Variants in ATXN2L observed in about 807,000 individuals in gnomAD.
ATXN2L encodes the protein ataxin 2 like.
In ATXN2L, 24 loss-of-function variants were observed where a neutral mutation model predicts 120.7. That is an observed-to-expected ratio of 0.20 (90% CI 0.14 to 0.28). ATXN2L has a LOEUF of 0.28. Among genes scored for constraint, ATXN2L ranks in the 10% least tolerant of loss-of-function variants. The pLI, the probability that ATXN2L is intolerant of heterozygous loss-of-function variation, is 1.00. For missense variants in ATXN2L, 1,312 were observed against 1,432.3 expected, an observed-to-expected ratio of 0.92 and a Z score of 1.36; for synonymous variants, 653 against 568.1, an observed-to-expected ratio of 1.15 and a Z score of -2.13.
chr16:28,824,748 A>G (rs2051168593), intron 1 of ATXN2L: 2 of 310,428 alleles, frequency 6.4e-6, no homozygotes, highest in Non-Finnish European at 1.1e-5. Flanking sequence ...TTAATACTGT[A>G]GCATTGATCT....
At chr16:28,824,586 T>C (rs757977152) in intron 1 of ATXN2L, 2 of 1,264,582 alleles carry the variant, frequency 1.6e-6, no homozygotes, top group South Asian at 2.6e-5. Context: ...GGGGATGGGG[T>C]GTGGAGGGGA....
chr16:28,835,711 C>T lies in ATXN2L; in HGVS notation c.2848C>T (p.His950Tyr). The T allele has an allele frequency of 6.2e-7, 1 of 1,614,140 alleles. No homozygotes were observed. Among genetic ancestry groups the T allele is most frequent in the Non-Finnish European group, 8.5e-7 (1 of 1,179,996 alleles). ...GCCAGCCGCTGTGTATGCCATCCACCACCAGCAGCTGCCCCACGGCTTCAC... is the reference window on the plus strand; with the variant it reads ...GCCAGCCGCTGTGTATGCCATCCACTACCAGCAGCTGCCCCACGGCTTCAC... ...PQPAAVYAIH[H>Y]QQLPHGFTNM... Residue 950 changes from histidine (H) to tyrosine (Y), a missense_variant, in exon 21 of 22, where the codon CAC becomes TAC. Transcript: ENST00000336783.
Position 28,823,387 on chromosome 16 carries a change from C to G in ATXN2L, c.128C>G (p.Ala43Gly). The G allele has an allele frequency of 7.5e-7, 1 of 1,338,206 alleles. No individual in the cohort carries two copies. The highest frequency in any genetic ancestry group is 9.5e-7 in the Non-Finnish European group (1 of 1,048,512). The allele number at this position is 1,338,206 out of a possible 1,614,324, so 82.9% of individuals were successfully genotyped here. The change falls in exon 1 of 22, where the codon GCC becomes GGC. Residue 43 changes from alanine (A) to glycine (G), a missense_variant. By Grantham distance (60) the Ala-to-Gly change is moderately conservative (BLOSUM62 0). Coordinates refer to ENST00000336783, the MANE Select transcript of ATXN2L (RefSeq NM_007245.4). The stretch of plus-strand genomic sequence containing the variant: ...AACGGCGGCCTCCCGGGGCCGCTGG[C>G]CACCTCTGCGGCTCCTCCCGGGCCT... Reference protein sequence around the residue: ...PPNGGLPGPLATSAAPPGPPA... With the variant: ...PPNGGLPGPLGTSAAPPGPPA...
intron 7 of ATXN2L, 78 bp from the exon 8 acceptor site, chr16:28,829,780 C>A: frequency 1.4e-6 from 2 of 1,468,304 alleles, no homozygotes; most frequent in Non-Finnish European, 1.9e-6. Context: ...GGTGATTGGA[C>A]TTGTTGAAAT....
In ATXN2L at chr16:28,826,049, CT is replaced by C; in HGVS notation, c.466-187del. ...TATTTAAGTTTAAATTTTTGTGAGA[CT>C]TTTGCTAAGTCCTGTGGCTGATGTT... On this transcript the variant is annotated intron_variant, in intron 4 of 21. Coordinates refer to ENST00000336783, the MANE Select transcript of ATXN2L (RefSeq NM_007245.4). 7.2e-6 allele frequency: 6 copies of C among 837,094 alleles called. No individual in the cohort carries two copies. The South Asian group carries it at 1.1e-4, about 15-fold the overall frequency. The allele number at this position is 837,094 out of a possible 1,614,324, so 51.9% of individuals were successfully genotyped here.
In ATXN2L at chr16:28,825,352, G is replaced by T; in HGVS notation, c.300-14G>T. On this transcript the variant is annotated splice_polypyrimidine_tract_variant and intron_variant, in intron 1 of 21. Coordinates refer to ENST00000336783, the MANE Select transcript of ATXN2L (RefSeq NM_007245.4). ...CTTGAACAGACTTAAGTAATTTCTT[G>T]TTTTCTTTTATAGGGGACAGAGCAC... 2 of 1,613,710 alleles carry T rather than the reference G, an allele frequency of 1.2e-6. No homozygotes were observed. Among genetic ancestry groups the T allele is most frequent in the Non-Finnish European group, 1.7e-6 (2 of 1,179,702 alleles).
In ATXN2L at chr16:28,823,121, C is replaced by G. The variant is rs1435197861; in HGVS notation, c.-139C>G. On this transcript the variant is annotated 5_prime_UTR_variant, in exon 1 of 22. Transcript: ENST00000336783. The stretch of plus-strand genomic sequence containing the variant: ...CGGTCTTCTCTCTCCACCCCCGACA[C>G]CGCGGGGCTCCCCCCGCCCGCCCAC... 2.3e-6 allele frequency: 1 copy of G among 430,694 alleles called. No individual in the cohort carries two copies. The allele number at this position is 430,694 out of a possible 1,614,324, so 26.7% of individuals were successfully genotyped here. A position where few individuals can be genotyped will look rare whatever the true frequency, so the allele number is the denominator to read the frequency against.
In ATXN2L at chr16:28,828,527, C is replaced by T. The variant is rs8048148; in HGVS notation, c.742-874C>T. Among the ~76,000 whole-genome samples, 1,562 of 150,410 alleles carry T rather than the reference C, an allele frequency of 0.01. 59 individuals are homozygous for T. In the East Asian group the frequency reaches 0.16, roughly 15 times the overall value. ...CTTGAACCCAAGGAGACGGAGGTTGCGGTGAGCCAAGATCGCACCATTGCA... is the reference window on the plus strand; with the variant it reads ...CTTGAACCCAAGGAGACGGAGGTTGTGGTGAGCCAAGATCGCACCATTGCA... On this transcript the variant is annotated intron_variant, in intron 6 of 21. Transcript: ENST00000336783.
In ATXN2L at chr16:28,836,143, C is replaced by G; in HGVS notation, c.3106C>G (p.Pro1036Ala). The G allele has an allele frequency of 6.2e-7, 1 of 1,614,138 alleles. No homozygotes were observed. The highest frequency in any genetic ancestry group is 8.5e-7 in the Non-Finnish European group (1 of 1,179,990). ...HPQGEQPGQA[P>A]GFPGGADDRI... is the part of the protein sequence containing the mutation. ...CCAAGGTGAGCAGCCTGGCCAGGCG[C>G]CTGGATTTCCAGGAGGAGCCGATGA... Residue 1036 changes from proline to alanine, a missense_variant, in exon 22 of 22, where the codon CCT becomes GCT. Coordinates refer to ENST00000336783, the MANE Select transcript of ATXN2L (RefSeq NM_007245.4).
At chr16:28,831,698 G>A (rs950650049) in intron 10 of ATXN2L, among the ~76,000 whole-genome samples, 1 of 152,090 alleles carries the variant, frequency 6.6e-6, no homozygotes, top group Non-Finnish European at 1.5e-5. Flanking sequence ...ACCAGCCTGG[G>A]CAACACGGCA....
Position 28,830,876 on chromosome 16 carries a change from T to G in ATXN2L, c.1210+86T>G, listed in dbSNP as rs2054115608. The stretch of plus-strand genomic sequence containing the variant: ...GGTAATTGGAGGGGTTTGGGTGTGT[T>G]GGAATGACGCTGCATCGGTGGGAAT... On this transcript the variant is annotated intron_variant, in intron 9 of 21. Transcript: ENST00000336783. The G allele has an allele frequency of 4.6e-6, 7 of 1,512,426 alleles. No individual in the cohort carries two copies. The South Asian group carries it at 6.2e-5, about 13-fold the overall frequency. The allele number at this position is 1,512,426 out of a possible 1,614,324, so 93.7% of individuals were successfully genotyped here. A position where few individuals can be genotyped will look rare whatever the true frequency, so the allele number is the denominator to read the frequency against.
chr16:28,832,487 C>T lies in ATXN2L; in HGVS notation c.1517-9C>T, dbSNP rs1166041642. 6.2e-7 allele frequency: 1 copy of T among 1,614,002 alleles called. No individual in the cohort carries two copies. The highest frequency in any genetic ancestry group is 1.7e-5 in the Admixed American group (1 of 60,018). On this transcript the variant is annotated splice_polypyrimidine_tract_variant and intron_variant, in intron 11 of 21. Transcript: ENST00000336783. ...AAGGACCTTTAGGCATTTCTCTTTA[C>T]TTGAACAGTAAAAGAACTCTCTACC...
intron 10 of ATXN2L, among the ~76,000 whole-genome samples, chr16:28,831,482 C>T (rs2054398791): frequency 6.6e-6 from 1 of 152,138 alleles, no homozygotes; most frequent in South Asian, 2.1e-4. Context: ...CACCCACCAC[C>T]ACGGCTGGCT....
chr16:28,826,292 G>A lies in ATXN2L; in HGVS notation c.518G>A (p.Gly173Asp). ...VHRKASEPAGGPRREDIVDTM... is the reference protein window; with the variant it reads ...VHRKASEPAGDPRREDIVDTM... ...CGGAAAGCATCTGAGCCAGCAGGTG[G>A]CCCTCGTCGGGAGGACATTGTGGAC... The change falls in exon 5 of 22, where the codon GGC (glycine) becomes GAC (aspartate). Residue 173 changes from glycine (G) to aspartate (D), a missense_variant. Gly to Asp is a moderately conservative substitution (Grantham distance 94). Coordinates refer to ENST00000336783, the MANE Select transcript of ATXN2L (RefSeq NM_007245.4). 6.2e-7 allele frequency: 1 copy of A among 1,614,220 alleles called. No individual in the cohort carries two copies. Among genetic ancestry groups the A allele is most frequent in the Non-Finnish European group, 8.5e-7 (1 of 1,180,040 alleles).
At chr16:28,828,438 T>C (rs977531905) in intron 6 of ATXN2L, among the ~76,000 whole-genome samples, 2 of 151,914 alleles carry the variant, frequency 1.3e-5, no homozygotes, top group East Asian at 3.9e-4. Flanking sequence ...AATACAAAAT[T>C]AGCTGGGCGT....
At chr16:28,823,829 C>T (rs2050527640) in intron 1 of ATXN2L, 1 of 364,370 alleles carries the variant, frequency 2.7e-6, no homozygotes, top group Non-Finnish European at 4.8e-6. Flanking sequence ...CGCATCCCGC[C>T]GGCGCCGTCG....
Position 28,823,208 on chromosome 16 carries a change from G to T in ATXN2L, c.-52G>T. The stretch of plus-strand genomic sequence containing the variant: ...CGCTCTCCAGCGGGGCCCCAGCCCC[G>T]GCCCCCTCTCTCCCTCCCTTCTCTC... On this transcript the variant is annotated 5_prime_UTR_variant, in exon 1 of 22. Coordinates refer to ENST00000336783, the MANE Select transcript of ATXN2L (RefSeq NM_007245.4). 11 of 1,041,406 alleles carry T rather than the reference G, an allele frequency of 1.1e-5. No individual in the cohort carries two copies. The highest frequency in any genetic ancestry group is 1.8e-5 in the African/African-American group (1 of 56,208). The allele number at this position is 1,041,406 out of a possible 1,614,324, so 64.5% of individuals were successfully genotyped here.
At chr16:28,833,780 T>A in intron 15 of ATXN2L, 1 of 609,198 alleles carries the variant, frequency 1.6e-6, no homozygotes, top group Non-Finnish European at 2.9e-6. Context: ...GGCATTTGGC[T>A]GAGGGAGTAT....
At chr16:28,824,565 C>T (rs934992975) in intron 1 of ATXN2L, 114 of 1,283,568 alleles carry the variant, frequency 8.9e-5, no homozygotes, top group Non-Finnish European at 1.1e-4. Flanking sequence ...CTGAATGAGT[C>T]ATGAGGTCGA....
Sources: allele counts gnomAD v4.1 joint callset (sites outside exome capture counted in the v4.1 genomes callset), GRCh38; gene constraint gnomAD v4.1.1; transcripts MANE v1.5; gene names NCBI Gene and HGNC (gene_info 2026-07-23, HGNC 2026-07-21).